The following EXOC6B variants were observed in gnomAD, a reference collection of about 807,000 sequenced individuals.
EXOC6B encodes exocyst complex component 6B.
Under a neutral mutation model 113.5 loss-of-function variants are expected in EXOC6B, and 54 were observed. That is an observed-to-expected ratio of 0.48 (90% confidence interval 0.38 to 0.60). The LOEUF (loss-of-function observed/expected upper bound fraction) is 0.60. Among genes scored for constraint, EXOC6B ranks in the 20% least tolerant of loss-of-function variants. The probability of loss-of-function intolerance (pLI) is 0.00; values close to 1 mark genes in which losing one functional copy is unlikely to be tolerated. For synonymous variants in EXOC6B, 357 were observed against 339.0 expected (o/e 1.05, Z -0.58); for missense variants, 797 against 977.5 (o/e 0.82, Z 2.46).
intron 17 of EXOC6B, among the ~76,000 whole-genome samples, chr2:72,467,778 A>T (rs192331393): frequency 1.2e-4 from 18 of 148,072 alleles, no homozygotes; most frequent in Admixed American, 3.4e-4. Context: ...TTTTTTATTT[A>T]TTTTTTTTTT....
intron 19 of EXOC6B, among the ~76,000 whole-genome samples, chr2:72,370,528 A>C (rs1030507641): frequency 6.6e-6 from 1 of 152,132 alleles, no homozygotes; most frequent in South Asian, 2.1e-4. Flanking sequence ...ACCCAAAGGA[A>C]TATAAATCAT....
intron 11 of EXOC6B, among the ~76,000 whole-genome samples, chr2:72,512,623 A>G (rs1700999593): frequency 6.6e-6 from 1 of 152,004 alleles, no homozygotes; most frequent in South Asian, 2.1e-4. Context: ...TGAACTCCAA[A>G]TCAGTGTTTA....
intron 20 of EXOC6B, among the ~76,000 whole-genome samples, chr2:72,250,353 A>T (rs957423085): frequency 1.3e-5 from 2 of 152,042 alleles, no homozygotes; most frequent in African/African-American, 4.8e-5. Context: ...AATTTAATTT[A>T]ATTTTTTGAG....
At chr2:72,464,326 T>C (rs79586987) in intron 18 of EXOC6B, 1 of 152,230 alleles carries the variant, frequency 6.6e-6, no homozygotes, top group East Asian at 1.9e-4. Context: ...GGAATTTCTA[T>C]AGTCCTCTTT....
At chr2:72,493,470 A>G (rs529389696) in intron 15 of EXOC6B, among the ~76,000 whole-genome samples, 1 of 152,174 alleles carries the variant, frequency 6.6e-6, no homozygotes, top group Admixed American at 6.5e-5. Context: ...AAAAGAAAAA[A>G]AAAACCATAT....
At chr2:72,341,207 CAG>C (rs1491407967) in intron 19 of EXOC6B, among the ~76,000 whole-genome samples, 9 of 152,010 alleles carry the variant, frequency 5.9e-5, no homozygotes, top group Non-Finnish European at 1.0e-4. Context: ...TCGAGAAAGA[CAG>C]GGGGCTGTAG....
intron 19 of EXOC6B, among the ~76,000 whole-genome samples, chr2:72,362,575 AT>A (rs1690383151): frequency 6.6e-6 from 1 of 152,128 alleles, no homozygotes; most frequent in Non-Finnish European, 1.5e-5. Flanking sequence ...AGGAATTAGT[AT>A]TTCTAGTTTA....
At position 72,736,043 on chromosome 2, in the gene EXOC6B, C is replaced by T. The variant is rs558164738; in HGVS notation, c.280-2925G>A. Among the ~76,000 whole-genome samples the T allele has an allele frequency of 1.9e-4, 29 of 151,674 alleles. No individual in the cohort carries two copies. In the South Asian group the frequency reaches 6.0e-3, roughly 32 times the overall value. On this transcript the variant is annotated intron_variant, in intron 2 of 21. Transcript: ENST00000272427. ...TACAAAAATACAAAAATTAGCTGGG[C>T]GTAGTGGCATGCACCTGTAGTCCCA...
intron 6 of EXOC6B, among the ~76,000 whole-genome samples, chr2:72,639,801 A>G (rs999251928): frequency 1.3e-5 from 2 of 152,228 alleles, no homozygotes; most frequent in Non-Finnish European, 2.9e-5. Flanking sequence ...AGTCGGCTGA[A>G]TCCACCTTAT....
At chr2:72,656,310 A>G (rs753718630) in intron 6 of EXOC6B, among the ~76,000 whole-genome samples, 5 of 152,140 alleles carry the variant, frequency 3.3e-5, no homozygotes, top group African/African-American at 4.8e-5. Flanking sequence ...AAACTGGATA[A>G]TCTTTTGTGA....
At chr2:72,595,165 G>A (rs1669994180) in intron 6 of EXOC6B, among the ~76,000 whole-genome samples, 3 of 151,640 alleles carry the variant, frequency 2.0e-5, no homozygotes. Flanking sequence ...GGAGGCTGAG[G>A]CAGGAGAATC....
chr2:72,659,440 A>C (rs1490135025), intron 6 of EXOC6B, among the ~76,000 whole-genome samples: 4 of 152,110 alleles, frequency 2.6e-5, no homozygotes, highest in Non-Finnish European at 5.9e-5. Context: ...TTTTATTCCA[A>C]ATCCTCATTA....
At chr2:72,757,313 T>G (rs1365088401) in intron 1 of EXOC6B, among the ~76,000 whole-genome samples, 1 of 152,168 alleles carries the variant, frequency 6.6e-6, no homozygotes, top group Non-Finnish European at 1.5e-5. Flanking sequence ...TTAACCAAAA[T>G]GAAGTCGGGG....
At chr2:72,353,403 G>A (rs560770987) in intron 19 of EXOC6B, among the ~76,000 whole-genome samples, 10 of 107,442 alleles carry the variant, frequency 9.3e-5, no homozygotes, top group Admixed American at 8.1e-4. Flanking sequence ...ATGGAGCCTC[G>A]CTCTGTCGCC....
chr2:72,347,906 T>C (rs192792017), intron 19 of EXOC6B, among the ~76,000 whole-genome samples: 64 of 152,250 alleles, frequency 4.2e-4, no homozygotes, highest in African/African-American at 1.4e-3. Flanking sequence ...TCAAAACCCA[T>C]AGCAATATGA....
At chr2:72,403,807 G>A (rs955718625) in intron 18 of EXOC6B, among the ~76,000 whole-genome samples, 1 of 152,192 alleles carries the variant, frequency 6.6e-6, no homozygotes, top group African/African-American at 2.4e-5. Flanking sequence ...GGTGATTTCT[G>A]CATTTCCAAC....
intron 6 of EXOC6B, among the ~76,000 whole-genome samples, chr2:72,647,108 T>C (rs1673782252): frequency 6.6e-6 from 1 of 152,136 alleles, no homozygotes; most frequent in Admixed American, 6.6e-5. Flanking sequence ...AAAATCAATG[T>C]GCAAAAATCA....
At chr2:72,268,054 G>A (rs116340058) in intron 20 of EXOC6B, among the ~76,000 whole-genome samples, 1,666 of 152,266 alleles carry the variant, frequency 0.011, 37 homozygotes, top group African/African-American at 0.037. Context: ...ATAATAAAGT[G>A]TGACATATTA....
At chr2:72,459,890 A>G (rs1164950933) in intron 18 of EXOC6B, among the ~76,000 whole-genome samples, 3 of 152,208 alleles carry the variant, frequency 2.0e-5, no homozygotes, top group South Asian at 2.1e-4. Context: ...AAGAGCCCAC[A>G]TCGCCAAGTC....
Sources: gnomAD v4.1 joint callset for allele counts (sites outside exome capture counted in the v4.1 genomes callset) on GRCh38, gnomAD v4.1.1 for gene constraint, MANE v1.5 for transcripts, NCBI Gene and HGNC (gene_info 2026-07-23, HGNC 2026-07-21) for gene names.